ABTB2: variants seen among roughly 807,000 people sequenced by gnomAD.
The protein encoded by ABTB2 is ankyrin repeat and BTB/POZ domain-containing protein 2.
In ABTB2, 56 loss-of-function variants were observed where a neutral mutation model predicts 104.1. The ratio of observed to expected loss-of-function variants is 0.54; its 90% CI spans 0.43 to 0.67. The LOEUF is 0.67. Ranked by LOEUF, ABTB2 falls within the 30% of genes least tolerant of loss-of-function variation. The probability of loss-of-function intolerance (pLI) is 0.00; values close to 1 mark genes in which losing one functional copy is unlikely to be tolerated. For synonymous variants in ABTB2, 606 were observed against 608.2 expected, an observed-to-expected ratio of 1.00 and a Z score of 0.05; for missense variants, 1,279 against 1,407.7, an observed-to-expected ratio of 0.91 and a Z score of 1.46.
In ABTB2 at chr11:34,183,935, G is replaced by A. The variant is rs1315147804; in HGVS notation, c.1245-10628C>T. 4.6e-5 allele frequency among the ~76,000 whole-genome samples: 7 copies of A among 152,006 alleles called. No individual in the cohort carries two copies. The East Asian group carries it at 7.7e-4, about 17-fold the overall frequency. On this transcript the variant is annotated intron_variant, in intron 3 of 16. Coordinates refer to ENST00000435224, the MANE Select transcript of ABTB2 (RefSeq NM_145804.3). ...CAAAAACAAACAAAAAACAAAAAAC[G>A]GGGAGTTTTCCTCTGTTGCCCAGGC... is the stretch of plus-strand genomic sequence containing the variant.
chr11:34,250,456 C>A (rs1045893310), intron 1 of ABTB2, among the ~76,000 whole-genome samples: 9 of 152,192 alleles, frequency 5.9e-5, no homozygotes, highest in African/African-American at 1.7e-4. Context: ...TCCTTCCTTG[C>A]CCAAATAGCT....
chr11:34,285,150 A>G (rs997656216), intron 1 of ABTB2, among the ~76,000 whole-genome samples: 7 of 152,118 alleles, frequency 4.6e-5, no homozygotes, highest in Non-Finnish European at 8.8e-5. Flanking sequence ...CGGAAATCAC[A>G]GGGTCTCTGC....
chr11:34,229,417 C>T (rs1462376101), intron 1 of ABTB2, among the ~76,000 whole-genome samples: 1 of 145,566 alleles, frequency 6.9e-6, no homozygotes, highest in South Asian at 2.2e-4. Flanking sequence ...GGAGGTGGAG[C>T]TTGCAGTGAG....
Position 34,154,496 on chromosome 11 carries a change from T to C in ABTB2, c.2767-118A>G. On this transcript the variant is annotated intron_variant, in intron 15 of 16. Transcript: ENST00000435224. The surrounding 1 kb of genome is among the most constrained non-coding windows in gnomAD (Gnocchi z 4.9). ...TGCTGCCTCCACCCTCAGGCCCCAC[T>C]ACCTTCTGATACTCCTGGGCCTAAC... 1.2e-6 allele frequency: 1 copy of C among 847,990 alleles called. No homozygotes were observed. The highest frequency in any genetic ancestry group is 1.9e-6 in the Non-Finnish European group (1 of 528,986). 52.5% of individuals were successfully genotyped at this position (847,990 alleles called of 1,614,324 possible). A position where few individuals can be genotyped will look rare whatever the true frequency, so the allele number is the denominator to read the frequency against.
chr11:34,304,817 C>T (rs995303214), intron 1 of ABTB2, among the ~76,000 whole-genome samples: 3 of 152,196 alleles, frequency 2.0e-5, no homozygotes, highest in Admixed American at 2.0e-4. Context: ...GAGGGCTCTT[C>T]ACCACCCAAA....
At chr11:34,217,565 G>A (rs936543869) in intron 1 of ABTB2, among the ~76,000 whole-genome samples, 6 of 152,116 alleles carry the variant, frequency 3.9e-5, no homozygotes, top group Admixed American at 1.3e-4. Flanking sequence ...GGGTTCAAGC[G>A]ATTCTCCTGC....
At chr11:34,270,293 C>T (rs1010038337) in intron 1 of ABTB2, among the ~76,000 whole-genome samples, 4 of 151,502 alleles carry the variant, frequency 2.6e-5, no homozygotes, top group South Asian at 2.1e-4. Flanking sequence ...ACATAGCCCA[C>T]GTATCTTTGA....
At chr11:34,196,145 CT>C (rs1853253755) in intron 3 of ABTB2, among the ~76,000 whole-genome samples, 1 of 152,164 alleles carries the variant, frequency 6.6e-6, no homozygotes. Flanking sequence ...AAGCAGTGGC[CT>C]CCATGTGAGG....
At chr11:34,229,279 A>T (rs2957526) in intron 1 of ABTB2, among the ~76,000 whole-genome samples, 1 of 151,786 alleles carries the variant, frequency 6.6e-6, no homozygotes, top group African/African-American at 2.4e-5. Flanking sequence ...TCAGGAGATC[A>T]AGACCATCCT....
At chr11:34,191,136 G>A (rs1853170080) in intron 3 of ABTB2, among the ~76,000 whole-genome samples, 1 of 152,162 alleles carries the variant, frequency 6.6e-6, no homozygotes, top group Non-Finnish European at 1.5e-5. Flanking sequence ...TGAAATGGTG[G>A]CATGCACCTA....
At chr11:34,205,116 T>G (rs768762837) in intron 1 of ABTB2, among the ~76,000 whole-genome samples, 9 of 152,174 alleles carry the variant, frequency 5.9e-5, no homozygotes, top group Non-Finnish European at 1.0e-4. Context: ...GTGCTATACT[T>G]AGGGTTCTGG....
At chr11:34,327,531 A>C (rs1370304830) in intron 1 of ABTB2, among the ~76,000 whole-genome samples, 4 of 152,096 alleles carry the variant, frequency 2.6e-5, no homozygotes, top group African/African-American at 7.2e-5. Context: ...TTCCACTCTC[A>C]ATTAGCTTTT....
At chr11:34,290,237 T>C (rs1248101342) in intron 1 of ABTB2, among the ~76,000 whole-genome samples, 1 of 152,210 alleles carries the variant, frequency 6.6e-6, no homozygotes, top group Non-Finnish European at 1.5e-5. Context: ...AAAGTAGCTA[T>C]CTTCCCTTGC....
chr11:34,214,532 CTTTTTTTT>C (rs5790978), intron 1 of ABTB2, among the ~76,000 whole-genome samples: 5,685 of 123,188 alleles, frequency 0.046, 391 homozygotes, highest in African/African-American at 0.16. Context: ...AAAAATACCA[CTTTTTTTT>C]TTTTTTTTTT....
intron 3 of ABTB2, among the ~76,000 whole-genome samples, chr11:34,183,444 G>C (rs1006397330): frequency 2.0e-5 from 3 of 152,200 alleles, no homozygotes; most frequent in Admixed American, 6.5e-5. Context: ...CCAGCACTGG[G>C]ACTACCGGGT....
At chr11:34,190,519 T>C (rs1216166327) in intron 3 of ABTB2, among the ~76,000 whole-genome samples, 1 of 152,178 alleles carries the variant, frequency 6.6e-6, no homozygotes, top group Non-Finnish European at 1.5e-5. Flanking sequence ...TTTATCATTC[T>C]CCTAGAGCCC....
chr11:34,216,144 C>A (rs1853546753), intron 1 of ABTB2, among the ~76,000 whole-genome samples: 1 of 152,108 alleles, frequency 6.6e-6, no homozygotes, highest in Admixed American at 6.5e-5. Flanking sequence ...AGTATGCCAG[C>A]CAAATAAATA....
chr11:34,162,449 G>T, intron 10 of ABTB2, 127 bp downstream of exon 10: 1 of 1,040,592 alleles, frequency 9.6e-7, no homozygotes. Flanking sequence ...TCTGTGCTCA[G>T]CTGCCCTGGG....
At chr11:34,268,723 G>A (rs1261258007) in intron 1 of ABTB2, among the ~76,000 whole-genome samples, 3 of 152,128 alleles carry the variant, frequency 2.0e-5, no homozygotes, top group African/African-American at 4.8e-5. Context: ...TCAAGGTGTC[G>A]GCAGGGCCCT....
Sources: gnomAD v4.1 joint callset for allele counts (sites outside exome capture counted in the v4.1 genomes callset) on GRCh38, gnomAD v4.1.1 for gene constraint, Gnocchi (gnomAD v3.1) non-coding constraint, MANE v1.5 for transcripts, NCBI Gene and HGNC (gene_info 2026-07-23, HGNC 2026-07-21) for gene names.